CYP20A1: variants seen among roughly 807,000 people sequenced by gnomAD.
The protein encoded by CYP20A1 is cytochrome P450 20A1.
CYP20A1 carries 61 observed loss-of-function variants against 61.4 expected under a neutral mutation model. That is an observed-to-expected ratio of 0.99 (90% CI 0.81 to 1.23). CYP20A1 has a LOEUF of 1.23. Ranked by LOEUF, CYP20A1 falls within the 50% of genes most tolerant of loss-of-function variation. The pLI is 0.00. For missense variants in CYP20A1, 530 were observed against 542.4 expected, an observed-to-expected ratio of 0.98 and a Z score of 0.23; for synonymous variants, 193 against 188.2, an observed-to-expected ratio of 1.03 and a Z score of -0.21.
At chr2:203,286,966 A>G (rs1294073832) in intron 9 of CYP20A1, among the ~76,000 whole-genome samples, 1 of 151,944 alleles carries the variant, frequency 6.6e-6, no homozygotes, top group African/African-American at 2.4e-5. Context: ...CTGTAATCCC[A>G]CCAATTTGGG....
rs753119772 is a variant in CYP20A1 at position 203,272,699 on chromosome 2, A to G, written c.630A>G (p.Leu210=). The stretch of plus-strand genomic sequence containing the variant: ...GGTCTGAGATTGGAAAAGGCTTTCT[A>G]GATGGGTCACTTGATAAAAACATGA... ...TVWSEIGKGF[L]DGSLDKNMTR... The change falls in exon 6 of 13, where the codon CTA becomes CTG. Residue 210 remains leucine (L), a synonymous_variant. Transcript: ENST00000356079. 4.4e-6 allele frequency: 7 copies of G among 1,608,314 alleles called. No individual in the cohort carries two copies. Among genetic ancestry groups the G allele is most frequent in the Non-Finnish European group, 5.9e-6 (7 of 1,178,150 alleles).
intron 1 of CYP20A1, among the ~76,000 whole-genome samples, chr2:203,244,891 C>T (rs1023008619): frequency 6.6e-6 from 1 of 151,982 alleles, no homozygotes; most frequent in African/African-American, 2.4e-5. Context: ...CGCCACAACG[C>T]CCTGCTAATT....
At chr2:203,251,817 A>ATATATATGTGTATATATATAT (rs34111991) in intron 3 of CYP20A1, 150 bp from the exon 4 acceptor site, 5 of 95,290 alleles carry the variant, frequency 5.2e-5, no homozygotes, top group African/African-American at 6.8e-5. Context: ...ATATATATAT[A>ATATATATGTGTATATATATAT]AAAAATAAAA....
chr2:203,254,551 A>C (rs1244396470), intron 4 of CYP20A1, among the ~76,000 whole-genome samples: 2 of 151,960 alleles, frequency 1.3e-5, no homozygotes, highest in African/African-American at 4.8e-5. Flanking sequence ...TCGTCTCAAA[A>C]AAAAAAAAAA....
chr2:203,250,629 C>T (rs2066626595), intron 3 of CYP20A1, among the ~76,000 whole-genome samples: 1 of 152,140 alleles, frequency 6.6e-6, no homozygotes, highest in African/African-American at 2.4e-5. Flanking sequence ...TATGGAGTTT[C>T]TAGGCTAATG....
intron 8 of CYP20A1, among the ~76,000 whole-genome samples, chr2:203,280,829 C>G (rs1014180148): frequency 3.3e-5 from 5 of 152,168 alleles, no homozygotes; most frequent in African/African-American, 1.2e-4. Context: ...TTAAAGCCAC[C>G]TCTGAAAATT....
At chr2:203,273,882 A>G (rs1188682205) in intron 6 of CYP20A1, among the ~76,000 whole-genome samples, 2 of 152,120 alleles carry the variant, frequency 1.3e-5, no homozygotes, top group African/African-American at 4.8e-5. Flanking sequence ...TGGAGGCAGA[A>G]GTTGCAGTGA....
At chr2:203,251,836 C>T (rs546224841) in intron 3 of CYP20A1, 131 bp from the exon 4 acceptor site, 1 of 177,204 alleles carries the variant, frequency 5.6e-6, no homozygotes, top group South Asian at 2.6e-4. Flanking sequence ...AAAATAAAAA[C>T]AAGGGAATTA....
At chr2:203,269,497 C>CT (rs373653086) in intron 5 of CYP20A1, among the ~76,000 whole-genome samples, 8,031 of 139,416 alleles carry the variant, frequency 0.058, 379 homozygotes, top group African/African-American at 0.12. Context: ...ATATATAGTT[C>CT]TTTTTTTTTT....
chr2:203,260,433 G>A (rs766764207), intron 4 of CYP20A1, among the ~76,000 whole-genome samples: 1 of 152,050 alleles, frequency 6.6e-6, no homozygotes, highest in Non-Finnish European at 1.5e-5. Context: ...TGTTGGCCAG[G>A]CTGGTCTTGA....
intron 3 of CYP20A1, 150 bp from the exon 4 acceptor site, chr2:203,251,817 A>ATATATATGTGTATATAT (rs34111991): frequency 2.1e-5 from 2 of 95,318 alleles, no homozygotes; most frequent in Non-Finnish European, 4.5e-5. Flanking sequence ...ATATATATAT[A>ATATATATGTGTATATAT]AAAAATAAAA....
At position 203,249,699 on chromosome 2, in the gene CYP20A1, G is replaced by T. The variant is rs184803110; in HGVS notation, c.290-2268G>T. ...GTCTCTACTAAAAATACAAAAATTA[G>T]CTGAGCATGGTGGCAGATACCTGTA... On this transcript the variant is annotated intron_variant, in intron 3 of 12. Transcript: ENST00000356079. Among the ~76,000 whole-genome samples the T allele has an allele frequency of 1.5e-4, 23 of 152,114 alleles. No homozygotes were observed. In the East Asian group the frequency reaches 4.5e-3, roughly 30 times the overall value.
intron 4 of CYP20A1, among the ~76,000 whole-genome samples, chr2:203,261,295 T>G (rs1447658588): frequency 6.6e-6 from 1 of 151,836 alleles, no homozygotes; most frequent in Non-Finnish European, 1.5e-5. Context: ...CAGTAACTTA[T>G]GCTTATAATC....
Position 203,274,705 on chromosome 2 carries a change from G to A in CYP20A1, c.679+1957G>A, listed in dbSNP as rs548959282. ...AAATCCCTGTCCTCATTAGCTTACT[G>A]TTTTAGTGATTTTCTTGGTCCAACA... On this transcript the variant is annotated intron_variant, in intron 6 of 12. Coordinates refer to ENST00000356079, the MANE Select transcript of CYP20A1 (RefSeq NM_177538.3). Among the ~76,000 whole-genome samples, 4 of 151,202 alleles carry A rather than the reference G, an allele frequency of 2.6e-5. No individual in the cohort carries two copies. In the South Asian group the frequency reaches 8.4e-4, roughly 32 times the overall value.
At chr2:203,293,666 G>A (rs1415070258) in intron 11 of CYP20A1, among the ~76,000 whole-genome samples, 1 of 151,874 alleles carries the variant, frequency 6.6e-6, no homozygotes, top group Non-Finnish European at 1.5e-5. Flanking sequence ...CCCAAGCAGT[G>A]TACACTGTAC....
Position 203,302,837 on chromosome 2 carries a change from C to T in CYP20A1, c.*5929C>T, listed in dbSNP as rs774830535. Among the ~76,000 whole-genome samples, 3 of 151,108 alleles carry T rather than the reference C, an allele frequency of 2.0e-5. No homozygotes were observed. Among genetic ancestry groups the T allele is most frequent in the Non-Finnish European group, 4.4e-5 (3 of 67,814 alleles). ...CCTTTTGAGTAACTGGGGTTACAGGCGCGTGCCATCACACCCAGCTCATTT... is the reference window on the plus strand; with the variant it reads ...CCTTTTGAGTAACTGGGGTTACAGGTGCGTGCCATCACACCCAGCTCATTT... On this transcript the variant is annotated 3_prime_UTR_variant, in exon 13 of 13. Transcript: ENST00000356079.
Position 203,257,662 on chromosome 2 carries a change from G to A in CYP20A1, c.432+5553G>A, listed in dbSNP as rs539521319. ...AAATTAGCTGGGCGTGGTGGCAGGC[G>A]CCTGTAATCCCAGCTACTCAGGAGG... On this transcript the variant is annotated intron_variant, in intron 4 of 12. Coordinates refer to ENST00000356079, the MANE Select transcript of CYP20A1 (RefSeq NM_177538.3). 2.3e-4 allele frequency among the ~76,000 whole-genome samples: 35 copies of A among 151,738 alleles called. No homozygotes were observed. The East Asian group carries it at 6.1e-3, about 26-fold the overall frequency.
At chr2:203,250,840 G>A (rs1245695074) in intron 3 of CYP20A1, among the ~76,000 whole-genome samples, 3 of 152,032 alleles carry the variant, frequency 2.0e-5, no homozygotes, top group South Asian at 2.1e-4. Context: ...CGAGGCGGGC[G>A]GATCACGAGG....
At chr2:203,289,007 T>C (rs1289904063) in intron 9 of CYP20A1, among the ~76,000 whole-genome samples, 1 of 152,232 alleles carries the variant, frequency 6.6e-6, no homozygotes, top group Non-Finnish European at 1.5e-5. Context: ...AAGAGTTTGA[T>C]ATATATTGCC....
Sources: allele counts gnomAD v4.1 joint callset (sites outside exome capture counted in the v4.1 genomes callset), GRCh38; gene constraint gnomAD v4.1.1; transcripts MANE v1.5; gene names NCBI Gene and HGNC (gene_info 2026-07-23, HGNC 2026-07-21).